EML5: variants seen among roughly 807,000 people sequenced by gnomAD.
EML5 encodes the protein echinoderm microtubule-associated protein-like 5.
Under a neutral mutation model 250.0 loss-of-function variants are expected in EML5, and 120 were observed. The ratio of observed to expected loss-of-function variants is 0.48; its 90% CI spans 0.41 to 0.56. The LOEUF is 0.56. Among genes scored for constraint, EML5 ranks in the 20% least tolerant of loss-of-function variants. The pLI, the probability that EML5 is intolerant of heterozygous loss-of-function variation, is 0.00. For missense variants in EML5, 2,006 were observed against 2,437.6 expected, an observed-to-expected ratio of 0.82 and a Z score of 3.73; for synonymous variants, 771 against 806.5, an observed-to-expected ratio of 0.96 and a Z score of 0.75.
rs749378910 is a variant in EML5, at chr14:88,685,112, C to T, written c.2885G>A (p.Arg962His). 8 of 1,602,162 alleles carry T rather than the reference C, an allele frequency of 5.0e-6. No homozygotes were observed. The highest frequency in any genetic ancestry group is 1.3e-5 in the African/African-American group (1 of 74,472). Residue 962 changes from arginine (R) to histidine (H), a missense_variant, in exon 20 of 44, where the codon CGT becomes CAT. By Grantham distance (29) the Arg-to-His change is conservative (BLOSUM62 0). This residue lies in a region of EML5 where 1,375 missense variants were observed against 1,590.3 expected (regional missense o/e 0.86). Transcript: ENST00000554922. ...GLLLEDNPSI[R>H]AISLGHGHIL... The stretch of plus-strand genomic sequence containing the variant: ...ATGACCATGTCCTAATGATATGGCA[C>T]GTATAGATGGATTATCTTCCAAGAG...
intron 23 of EML5, among the ~76,000 whole-genome samples, chr14:88,663,851 A>G (rs998560809): frequency 1.3e-5 from 2 of 152,026 alleles, no homozygotes; most frequent in Admixed American, 6.6e-5. Flanking sequence ...TCTATATTCT[A>G]TTTATGTCAA....
chr14:88,764,679 T>A (rs2094296535), intron 1 of EML5, among the ~76,000 whole-genome samples: 1 of 152,226 alleles, frequency 6.6e-6, no homozygotes, highest in African/African-American at 2.4e-5. Flanking sequence ...GACCTGAGAT[T>A]ATTTTTCTTT....
At chr14:88,756,224 G>A (rs1406829918) in intron 1 of EML5, among the ~76,000 whole-genome samples, 3 of 151,974 alleles carry the variant, frequency 2.0e-5, no homozygotes, top group East Asian at 3.9e-4. Flanking sequence ...AACAAATATG[G>A]CATATTAACA....
Position 88,740,488 on chromosome 14 carries a change from C to G in EML5, c.610G>C (p.Ala204Pro), listed in dbSNP as rs1177237619. The G allele has an allele frequency of 6.2e-7, 1 of 1,613,862 alleles. No homozygotes were observed. The highest frequency in any genetic ancestry group is 1.7e-5 in the Admixed American group (1 of 60,010). ...TGDLQTILCLACARDELTYSG... is the reference protein window; with the variant it reads ...TGDLQTILCLPCARDELTYSG... Reference sequence around the variant, plus strand: ...TATGTTAATTCATCCCTTGCACAGGCTAGGCACAGTATTGTCTGAAGGTCA... The same window carrying G: ...TATGTTAATTCATCCCTTGCACAGGGTAGGCACAGTATTGTCTGAAGGTCA... The change falls in exon 5 of 44, where the codon GCC becomes CCC. Residue 204 changes from alanine (A) to proline (P), a missense_variant. Physicochemically the swap from Ala to Pro is conservative, Grantham distance 27. Transcript: ENST00000554922.
At chr14:88,634,742 A>G (rs572772671) in intron 32 of EML5, among the ~76,000 whole-genome samples, 1 of 152,282 alleles carries the variant, frequency 6.6e-6, no homozygotes, top group African/African-American at 2.4e-5. Context: ...ACTTTTAATT[A>G]TAATAACTTT....
chr14:88,702,555 C>G lies in EML5; in HGVS notation c.2129G>C (p.Gly710Ala), dbSNP rs771000944. The G allele has an allele frequency of 1.2e-6, 2 of 1,612,910 alleles. No individual in the cohort carries two copies. The highest frequency in any genetic ancestry group is 1.7e-4 in the Middle Eastern group (1 of 6,060). ...GEIVYHVAAV[G>A]VIYNRQQNTQ... ...GTTTTGCTGTCGATTATAAATGACA[C>G]CCACTGCTGCCACATGGTACACAAT... The change falls in exon 14 of 44, where the codon GGT (glycine) becomes GCT (alanine). Residue 710 changes from glycine (G) to alanine (A), a missense_variant. Physicochemically the swap from Gly to Ala is moderately conservative, Grantham distance 60. Around this residue, in one of 7 missense-constraint regions of EML5, gnomAD observed 1,375 missense variants for 1,590.3 expected, o/e 0.86. Coordinates refer to ENST00000554922, the MANE Select transcript of EML5 (RefSeq NM_183387.3).
At chr14:88,712,181 G>T (rs2093419508) in intron 10 of EML5, 90 bp downstream of exon 10, 4 of 876,106 alleles carry the variant, frequency 4.6e-6, no homozygotes, top group African/African-American at 3.4e-5. Flanking sequence ...TAAAAAATAT[G>T]AAATCCTTTA....
Position 88,650,775 on chromosome 14 carries a change from C to T in EML5, c.4005-849G>A, listed in dbSNP as rs369060524. On this transcript the variant is annotated intron_variant, in intron 27 of 43. Transcript: ENST00000554922. Reference sequence around the variant, plus strand: ...TGCTCAGCCTCCTGAGTAGGAACCTCCTGGTACAGGCATGTACTACCATTC... The same window carrying T: ...TGCTCAGCCTCCTGAGTAGGAACCTTCTGGTACAGGCATGTACTACCATTC... 3.3e-5 allele frequency among the ~76,000 whole-genome samples: 5 copies of T among 152,076 alleles called. No individual in the cohort carries two copies. The East Asian group carries it at 5.8e-4, about 18-fold the overall frequency.
intron 30 of EML5, among the ~76,000 whole-genome samples, chr14:88,643,619 T>C (rs539182131): frequency 6.6e-6 from 1 of 152,150 alleles, no homozygotes; most frequent in African/African-American, 2.4e-5. Context: ...ATTTTTTGTG[T>C]CCAAAAGAAG....
intron 21 of EML5, among the ~76,000 whole-genome samples, chr14:88,679,885 T>C (rs1325188864): frequency 2.0e-5 from 3 of 152,172 alleles, no homozygotes; most frequent in Admixed American, 6.5e-5. Context: ...TAGTGTATAG[T>C]ATAGTGTAGC....
intron 27 of EML5, among the ~76,000 whole-genome samples, chr14:88,654,960 T>G (rs1269858087): frequency 6.6e-6 from 1 of 152,152 alleles, no homozygotes; most frequent in Non-Finnish European, 1.5e-5. Flanking sequence ...TGGGTGCTCC[T>G]GTATTGGGTG....
At chr14:88,758,697 A>G (rs927585814) in intron 1 of EML5, among the ~76,000 whole-genome samples, 9 of 152,240 alleles carry the variant, frequency 5.9e-5, no homozygotes, top group African/African-American at 1.2e-4. Context: ...GAATGAAAAC[A>G]TATGTCCACA....
chr14:88,765,402 C>G (rs1299870722), intron 1 of EML5, among the ~76,000 whole-genome samples: 1 of 152,182 alleles, frequency 6.6e-6, no homozygotes, highest in African/African-American at 2.4e-5. Context: ...CTGCTCACCT[C>G]CTCAAGGCCA....
intron 35 of EML5, chr14:88,625,480 C>T (rs139702984): frequency 0.015 from 2,497 of 164,510 alleles, 45 homozygotes; most frequent in South Asian, 0.074. Context: ...CAGCTCACCA[C>T]AACCTCTGCT....
intron 9 of EML5, 129 bp from the exon 10 acceptor site, chr14:88,712,612 T>G: frequency 1.6e-6 from 1 of 640,244 alleles, no homozygotes; most frequent in South Asian, 2.8e-5. Flanking sequence ...GGAAAATACA[T>G]AAATAGGTAG....
intron 21 of EML5, among the ~76,000 whole-genome samples, chr14:88,680,930 A>G (rs1336694303): frequency 1.3e-5 from 2 of 152,172 alleles, no homozygotes; most frequent in Non-Finnish European, 2.9e-5. Context: ...ACCAAAACAA[A>G]AAAACAAGAA....
chr14:88,624,746 A>G, intron 36 of EML5: 1 of 514,288 alleles, frequency 1.9e-6, no homozygotes, highest in Admixed American at 3.6e-5. Flanking sequence ...ACCTATCCAC[A>G]CCTCAGAAAA....
intron 7 of EML5, among the ~76,000 whole-genome samples, chr14:88,734,273 A>G (rs1595714554): frequency 6.6e-6 from 1 of 152,276 alleles, no homozygotes; most frequent in Non-Finnish European, 1.5e-5. Context: ...ATAATTGATG[A>G]GAAGAAATTC....
intron 1 of EML5, among the ~76,000 whole-genome samples, chr14:88,773,826 C>T (rs926248366): frequency 6.6e-6 from 1 of 150,490 alleles, no homozygotes; most frequent in Non-Finnish European, 1.5e-5. Context: ...TGATAAAAAA[C>T]TTATTACTGG....
Sources: allele counts gnomAD v4.1 joint callset (sites outside exome capture counted in the v4.1 genomes callset), GRCh38; gene constraint gnomAD v4.1.1; regional missense constraint gnomAD v4.1.1; transcripts MANE v1.5; gene names NCBI Gene and HGNC (gene_info 2026-07-23, HGNC 2026-07-21).